The following KIF9 variants were observed in gnomAD, a reference collection of about 807,000 sequenced individuals.
KIF9 encodes kinesin family member 9, also known as kinesin-like protein KIF9.
KIF9 carries 68 observed loss-of-function variants against 94.8 expected under a neutral mutation model. The observed-to-expected ratio is 0.72, with a 90% confidence interval of 0.59 to 0.88. The LOEUF (loss-of-function observed/expected upper bound fraction) is 0.88. Ranked by LOEUF, KIF9 falls within the 40% of genes least tolerant of loss-of-function variation. The pLI is 0.00. For synonymous variants in KIF9, 343 were observed against 362.1 expected (o/e 0.95, Z 0.60); for missense variants, 882 against 982.5 (o/e 0.90, Z 1.37).
intron 9 of KIF9, among the ~76,000 whole-genome samples, chr3:47,262,238 TG>T (rs1296530965): frequency 4.0e-5 from 6 of 151,828 alleles, no homozygotes; most frequent in African/African-American, 1.5e-4. Flanking sequence ...CCATTTCTTA[TG>T]GCTCTTCTTG....
chr3:47,228,712 G>T lies in KIF9; in HGVS notation c.2323-10C>A. ...TTTTCAAGTAATTATGCTGGACACA[G>T]AGGGAAGAGAAAACAGGAACTTATT... is the stretch of plus-strand genomic sequence containing the variant. On this transcript the variant is annotated splice_polypyrimidine_tract_variant and intron_variant, in intron 20 of 20. Transcript: ENST00000684063. 6.2e-7 allele frequency: 1 copy of T among 1,613,094 alleles called. No individual in the cohort carries two copies. The highest frequency in any genetic ancestry group is 1.1e-5 in the South Asian group (1 of 91,054).
intron 9 of KIF9, among the ~76,000 whole-genome samples, chr3:47,258,801 A>C (rs1430455343): frequency 2.0e-5 from 3 of 152,176 alleles, no homozygotes; most frequent in Admixed American, 2.0e-4. Context: ...GAGCCAATTA[A>C]ACCTCTTTTC....
Position 47,229,764 on chromosome 3 carries a change from C to T in KIF9, c.2323-1062G>A, listed in dbSNP as rs553227180. The stretch of plus-strand genomic sequence containing the variant: ...TTTTTTTTTTTTTGAGATGGAGTCT[C>T]GCTCTGTCACCCAGGCCGGAGTACA... On this transcript the variant is annotated intron_variant, in intron 20 of 20. Transcript: ENST00000684063. Among the ~76,000 whole-genome samples, 176 of 150,768 alleles carry T rather than the reference C, an allele frequency of 1.2e-3. 4 individuals carry two copies. In the South Asian group the frequency reaches 0.036, roughly 31 times the overall value.
At chr3:47,235,446 A>C in intron 20 of KIF9, 67 bp downstream of exon 20, 3 of 1,076,644 alleles carry the variant, frequency 2.8e-6, no homozygotes, top group Non-Finnish European at 4.3e-6. Flanking sequence ...TAAAGTAGGG[A>C]ATATGATCCT....
chr3:47,230,762 G>C (rs1159808468), intron 20 of KIF9, among the ~76,000 whole-genome samples: 2 of 145,866 alleles, frequency 1.4e-5, no homozygotes, highest in African/African-American at 5.1e-5. Flanking sequence ...TACCCAGGCT[G>C]GGCACAGTGG....
chr3:47,243,976 T>G (rs564244937), intron 15 of KIF9: 1 of 152,276 alleles, frequency 6.6e-6, no homozygotes, highest in Admixed American at 6.5e-5. Context: ...ACTGCACTCA[T>G]GAAGAGGCAG....
chr3:47,263,861 C>T, intron 9 of KIF9: 1 of 457,184 alleles, frequency 2.2e-6, no homozygotes. Flanking sequence ...TGCTTAATAC[C>T]ATCTGCTCAT....
chr3:47,236,087 G>A lies in KIF9; in HGVS notation c.2164C>T (p.Pro722Ser), dbSNP rs769281394. The part of the protein sequence containing the change: ...IPEDMQMALK[P>S]GGSIRPGMVP... The stretch of plus-strand genomic sequence containing the variant: ...ATGCCTGGCCGGATGCTGCCGCCTG[G>A]CTTCAGTGCCATCTGCATGTCCTCA... Residue 722 changes from proline to serine, a missense_variant, in exon 19 of 21, where the codon CCA becomes TCA. Coordinates refer to ENST00000684063, the MANE Select transcript of KIF9 (RefSeq NM_182902.4). 1.2e-5 allele frequency: 19 copies of A among 1,614,054 alleles called. No homozygotes were observed. Among genetic ancestry groups the A allele is most frequent in the Non-Finnish European group, 1.5e-5 (18 of 1,180,030 alleles).
intron 20 of KIF9, among the ~76,000 whole-genome samples, chr3:47,234,576 A>G (rs1698873112): frequency 7.1e-6 from 1 of 141,474 alleles, no homozygotes. Flanking sequence ...TTTTTTTGAG[A>G]TAGAGTTTCG....
At chr3:47,235,709 G>A (rs1432519921) in intron 19 of KIF9, 92 bp from the exon 20 acceptor site, 1 of 1,024,784 alleles carries the variant, frequency 9.8e-7, no homozygotes. Flanking sequence ...TGCTGGGTTT[G>A]TGCCACACAC....
rs184712847 is a variant in KIF9, at chr3:47,269,928, T to C, written c.591+1309A>G. Among the ~76,000 whole-genome samples, 299 of 151,774 alleles carry C rather than the reference T, an allele frequency of 2.0e-3. 3 individuals are homozygous for C. Among genetic ancestry groups the C allele is most frequent in the African/African-American group, 6.6e-3 (273 of 41,396 alleles). The stretch of plus-strand genomic sequence containing the variant: ...GTAGTTGGGAGTTAGCGCCACCACA[T>C]CCAGCTAATTTTTGTATTTGTAGTA... On this transcript the variant is annotated intron_variant, in intron 5 of 20. Coordinates refer to ENST00000684063, the MANE Select transcript of KIF9 (RefSeq NM_182902.4).
At chr3:47,229,529 C>G (rs988999316) in intron 20 of KIF9, among the ~76,000 whole-genome samples, 2 of 151,958 alleles carry the variant, frequency 1.3e-5, no homozygotes, top group Admixed American at 6.6e-5. Flanking sequence ...CTATATGTTT[C>G]CTATATAAAA....
intron 7 of KIF9, chr3:47,266,158 A>G (rs1701278690): frequency 5.7e-6 from 2 of 351,236 alleles, no homozygotes; most frequent in Non-Finnish European, 1.1e-5. Flanking sequence ...TCAAAGATTC[A>G]CACTAATATG....
chr3:47,238,616 G>C (rs1699222914), intron 17 of KIF9: 1 of 151,702 alleles, frequency 6.6e-6, no homozygotes, highest in East Asian at 1.9e-4. Flanking sequence ...AACTACTTTG[G>C]GGGGACAGCA....
intron 8 of KIF9, among the ~76,000 whole-genome samples, chr3:47,265,258 T>C (rs1198784640): frequency 6.6e-6 from 1 of 152,024 alleles, no homozygotes; most frequent in Non-Finnish European, 1.5e-5. Flanking sequence ...GAGGTATGAG[T>C]TGGAGCTTTG....
chr3:47,273,327 C>T (rs1701762006), intron 4 of KIF9, among the ~76,000 whole-genome samples: 1 of 152,184 alleles, frequency 6.6e-6, no homozygotes, highest in South Asian at 2.1e-4. Flanking sequence ...GAAACAGGCT[C>T]AGTGTGGGTA....
At chr3:47,261,040 C>G (rs553225453) in intron 9 of KIF9, among the ~76,000 whole-genome samples, 2 of 152,026 alleles carry the variant, frequency 1.3e-5, no homozygotes, top group Non-Finnish European at 1.5e-5. Context: ...TCAGGTAAGG[C>G]CAGCAAGTGG....
rs1054567498 is a variant in KIF9 at position 47,273,580 on chromosome 3, C to T, written c.338G>A (p.Arg113Gln). 25 of 1,611,402 alleles carry T rather than the reference C, an allele frequency of 1.6e-5. No individual in the cohort carries two copies. The highest frequency in any genetic ancestry group is 3.3e-4 in the Middle Eastern group (2 of 6,070). Residue 113 changes from arginine (R) to glutamine (Q), a missense_variant, in exon 4 of 21, where the codon CGG (arginine) becomes CAG (glutamine). By Grantham distance (43) the Arg-to-Gln change is conservative. Transcript: ENST00000684063. ...CTGCAGGGCACGAGGGAGGATCCCC[C>T]GGTGCTTGTAATTCTCAGTTGCCCC... ...MMGATENYKH[R>Q]GILPRALQQV...
At chr3:47,247,894 C>G (rs868284324) in intron 11 of KIF9, 124 bp downstream of exon 11, 52 of 765,842 alleles carry the variant, frequency 6.8e-5, no homozygotes, top group Admixed American at 5.0e-4. Flanking sequence ...TGCCACTGAG[C>G]CTGCCCCCCA....
Sources: gnomAD v4.1 joint callset for allele counts (sites outside exome capture counted in the v4.1 genomes callset) on GRCh38, gnomAD v4.1.1 for gene constraint, MANE v1.5 for transcripts, NCBI Gene and HGNC (gene_info 2026-07-23, HGNC 2026-07-21) for gene names.